CACNA2D3: variants seen among roughly 807,000 people sequenced by gnomAD.
The protein encoded by CACNA2D3 is calcium voltage-gated channel auxiliary subunit alpha2delta 3.
CACNA2D3 carries 60 observed loss-of-function variants against 160.6 expected under a neutral mutation model. That is an observed-to-expected ratio of 0.37 (90% CI 0.30 to 0.46). The LOEUF (loss-of-function observed/expected upper bound fraction) is 0.46. CACNA2D3 is among the 20% of genes least tolerant of loss of function. CACNA2D3 has a pLI of 1.00. For synonymous variants in CACNA2D3, 558 were observed against 492.9 expected, an observed-to-expected ratio of 1.13 and a Z score of -1.75; for missense variants, 1,205 against 1,365.0, an observed-to-expected ratio of 0.88 and a Z score of 1.85.
chr3:54,633,151 A>G (rs997548401), intron 10 of CACNA2D3, among the ~76,000 whole-genome samples: 1 of 152,154 alleles, frequency 6.6e-6, no homozygotes, highest in Non-Finnish European at 1.5e-5. Context: ...AAAGGGATGG[A>G]GGAAGTAGAG....
At chr3:55,063,148 T>A (rs1413640235) in intron 35 of CACNA2D3, among the ~76,000 whole-genome samples, 2 of 151,962 alleles carry the variant, frequency 1.3e-5, no homozygotes, top group Non-Finnish European at 2.9e-5. Context: ...TCTCCAAAGG[T>A]ATGGGAGGAG....
chr3:54,634,763 T>C (rs1444317955), intron 10 of CACNA2D3, among the ~76,000 whole-genome samples: 3 of 152,164 alleles, frequency 2.0e-5, no homozygotes, highest in Admixed American at 6.5e-5. Context: ...ATGTCATCAG[T>C]TAAGGCAAGG....
intron 5 of CACNA2D3, among the ~76,000 whole-genome samples, chr3:54,546,708 ACGCGCG>A (rs758860984): frequency 2.5e-3 from 78 of 31,810 alleles, no homozygotes; most frequent in Non-Finnish European, 5.3e-3. Context: ...GCACACACAC[ACGCGCG>A]CACACACACA....
chr3:54,360,742 T>G (rs114786356), intron 3 of CACNA2D3, among the ~76,000 whole-genome samples: 172 of 152,298 alleles, frequency 1.1e-3, no homozygotes, highest in African/African-American at 4.0e-3. Flanking sequence ...GGCACATGTA[T>G]TTATATATCA....
intron 2 of CACNA2D3, among the ~76,000 whole-genome samples, chr3:54,265,509 A>C (rs143723264): frequency 6.6e-6 from 1 of 151,488 alleles, no homozygotes; most frequent in South Asian, 2.1e-4. Context: ...CATTCTGCAC[A>C]TGTATCCCAG....
At chr3:54,452,954 T>A (rs140466022) in intron 4 of CACNA2D3, among the ~76,000 whole-genome samples, 2 of 151,268 alleles carry the variant, frequency 1.3e-5, no homozygotes, top group Non-Finnish European at 2.9e-5. Flanking sequence ...GTCTTCTTTT[T>A]TTCTTTCTTT....
intron 25 of CACNA2D3, chr3:54,894,771 A>T: frequency 2.3e-6 from 1 of 430,268 alleles, no homozygotes; most frequent in Non-Finnish European, 4.7e-6. Flanking sequence ...GAAAGAAATG[A>T]AAAGGCTAAA....
At chr3:54,385,607 G>A (rs1469989268) in intron 3 of CACNA2D3, among the ~76,000 whole-genome samples, 3 of 152,184 alleles carry the variant, frequency 2.0e-5, no homozygotes, top group African/African-American at 7.2e-5. Flanking sequence ...TGTGGCGAAA[G>A]TGGGCTTTGG....
At chr3:54,330,016 G>A (rs935640849) in intron 3 of CACNA2D3, among the ~76,000 whole-genome samples, 2 of 152,106 alleles carry the variant, frequency 1.3e-5, no homozygotes, top group Non-Finnish European at 2.9e-5. Context: ...GAATTCATTG[G>A]CATTTCATTT....
intron 11 of CACNA2D3, among the ~76,000 whole-genome samples, chr3:54,695,082 G>A (rs562385753): frequency 6.6e-6 from 1 of 152,132 alleles, no homozygotes; most frequent in Admixed American, 6.5e-5. Context: ...CAATGGCACA[G>A]TCTCGGCTCA....
intron 24 of CACNA2D3, among the ~76,000 whole-genome samples, chr3:54,889,169 C>T (rs1452257210): frequency 2.6e-5 from 4 of 152,182 alleles, no homozygotes; most frequent in Non-Finnish European, 5.9e-5. Flanking sequence ...GAGGATGAGG[C>T]TGCAGAGGGG....
intron 14 of CACNA2D3, among the ~76,000 whole-genome samples, chr3:54,817,672 A>G (rs1002545837): frequency 1.3e-5 from 2 of 152,208 alleles, no homozygotes; most frequent in Non-Finnish European, 2.9e-5. Context: ...GCATCTCCTA[A>G]GCTCTCCAGT....
intron 11 of CACNA2D3, among the ~76,000 whole-genome samples, chr3:54,717,742 G>A (rs1447126858): frequency 7.6e-6 from 1 of 130,856 alleles, no homozygotes; most frequent in Non-Finnish European, 1.7e-5. Context: ...GTGTGCATGT[G>A]TGGTGTGGTG....
intron 4 of CACNA2D3, among the ~76,000 whole-genome samples, chr3:54,457,302 ATTCC>A (rs1700416624): frequency 6.6e-6 from 1 of 151,746 alleles, no homozygotes; most frequent in Admixed American, 6.6e-5. Context: ...CTCTTTCTTA[ATTCC>A]TTCATTGACC....
chr3:54,481,178 C>CTCTA (rs1348423696), intron 4 of CACNA2D3, among the ~76,000 whole-genome samples: 9 of 152,252 alleles, frequency 5.9e-5, no homozygotes, highest in Admixed American at 5.2e-4. Flanking sequence ...GCTAGGCTGC[C>CTCTA]TCTAGATAAT....
At chr3:54,257,197 T>C (rs1489390805) in intron 2 of CACNA2D3, among the ~76,000 whole-genome samples, 2 of 152,224 alleles carry the variant, frequency 1.3e-5, no homozygotes, top group Non-Finnish European at 2.9e-5. Context: ...TTGATCAATA[T>C]CATAATTACT....
intron 9 of CACNA2D3, 120 bp from the exon 10 acceptor site, chr3:54,627,667 A>G (rs1322113001): frequency 2.9e-6 from 2 of 690,998 alleles, no homozygotes; most frequent in African/African-American, 3.6e-5. Context: ...GAAAAAGTAA[A>G]TTATGACCGG....
chr3:55,067,755 A>G (rs1269915337), intron 35 of CACNA2D3, among the ~76,000 whole-genome samples: 2 of 152,210 alleles, frequency 1.3e-5, no homozygotes, highest in Non-Finnish European at 2.9e-5. Context: ...ATAAAGACAG[A>G]GCGATAGATA....
chr3:54,614,641 A>G (rs1037406726), intron 9 of CACNA2D3, among the ~76,000 whole-genome samples: 3 of 152,122 alleles, frequency 2.0e-5, no homozygotes, highest in Non-Finnish European at 2.9e-5. Flanking sequence ...GAGATAATAG[A>G]GTGTAAATGG....
Sources: allele counts gnomAD v4.1 joint callset (sites outside exome capture counted in the v4.1 genomes callset), GRCh38; gene constraint gnomAD v4.1.1; transcripts MANE v1.5; gene names NCBI Gene and HGNC (gene_info 2026-07-23, HGNC 2026-07-21).